Variants in SLX9 observed in about 807,000 individuals in gnomAD.
SLX9 encodes the protein ribosome biogenesis protein SLX9 homolog.
In SLX9, 19 loss-of-function variants were observed where a neutral mutation model predicts 20.8. That is an observed-to-expected ratio of 0.91 (90% confidence interval 0.64 to 1.34). The LOEUF is 1.34. Among genes scored for constraint, SLX9 ranks in the 40% most tolerant of loss-of-function variants. SLX9 has a pLI of 0.00. For missense variants in SLX9, 299 were observed against 322.2 expected, an observed-to-expected ratio of 0.93 and a Z score of 0.55; for synonymous variants, 113 against 137.1, an observed-to-expected ratio of 0.82 and a Z score of 1.23.
At chr21:44,943,897 A>G in intron 2 of SLX9, 60 bp downstream of exon 2, 1 of 1,605,694 alleles carries the variant, frequency 6.2e-7, no homozygotes, top group Non-Finnish European at 8.5e-7. Context: ...TTGTTCCCTC[A>G]GGCACCCGAG....
intron 2 of SLX9, among the ~76,000 whole-genome samples, chr21:44,957,761 G>A (rs1294424942): frequency 6.6e-6 from 1 of 152,240 alleles, no homozygotes; most frequent in East Asian, 1.9e-4. Flanking sequence ...GGGAATGAGG[G>A]TATGAGCACC....
intron 2 of SLX9, among the ~76,000 whole-genome samples, chr21:44,944,344 G>T (rs1471037608): frequency 6.6e-6 from 1 of 152,194 alleles, no homozygotes; most frequent in East Asian, 1.9e-4. Flanking sequence ...GCTCCTTGCA[G>T]CCCTGCAGCA....
chr21:44,943,904 C>G (rs532826045), intron 2 of SLX9, 67 bp downstream of exon 2: 1 of 1,599,486 alleles, frequency 6.3e-7, no homozygotes, highest in Non-Finnish European at 8.5e-7. Flanking sequence ...CTCAGGCACC[C>G]GAGGTCTCAG....
chr21:44,949,606 C>T lies in SLX9; in HGVS notation c.283+5769C>T, dbSNP rs561521809. 7.9e-5 allele frequency among the ~76,000 whole-genome samples: 12 copies of T among 152,306 alleles called. No individual in the cohort carries two copies. The East Asian group carries it at 9.7e-4, about 12-fold the overall frequency. On this transcript the variant is annotated intron_variant, in intron 2 of 5. Coordinates refer to ENST00000291634, the MANE Select transcript of SLX9 (RefSeq NM_058190.4). ...ACGCCGGGCACAGGGCACCCACCGC[C>T]GCCATTGCTGCTCCGGCAGCCACTC...
At chr21:44,964,062 T>G (rs186862666) in intron 3 of SLX9, among the ~76,000 whole-genome samples, 11 of 152,336 alleles carry the variant, frequency 7.2e-5, no homozygotes, top group Admixed American at 5.2e-4. Flanking sequence ...ATCTCACCAT[T>G]TAAATTTCAT....
chr21:44,961,679 A>T (rs1300263408), intron 3 of SLX9, among the ~76,000 whole-genome samples: 1 of 152,156 alleles, frequency 6.6e-6, no homozygotes, highest in Non-Finnish European at 1.5e-5. Context: ...ATCGTTCTTT[A>T]TTTGTATCTC....
chr21:44,971,710 G>A (rs1038293260), intron 4 of SLX9, among the ~76,000 whole-genome samples: 1 of 151,984 alleles, frequency 6.6e-6, no homozygotes, highest in Admixed American at 6.5e-5. Context: ...GGGGCCCCAC[G>A]CTGATGGCTT....
chr21:44,960,354 G>T (rs2084931831), intron 3 of SLX9, among the ~76,000 whole-genome samples, 186 bp downstream of exon 3: 1 of 152,194 alleles, frequency 6.6e-6, no homozygotes, highest in Admixed American at 6.5e-5. Flanking sequence ...GCACAGAGAG[G>T]TTGGCCATGA....
At chr21:44,967,006 G>C (rs1238576876) in intron 3 of SLX9, 28 bp from the exon 4 acceptor site, 2 of 1,591,262 alleles carry the variant, frequency 1.3e-6, no homozygotes, top group Non-Finnish European at 1.7e-6. Context: ...CCTCTTGTTT[G>C]CCTCTAACGT....
At chr21:44,952,835 T>A (rs1391901765) in intron 2 of SLX9, among the ~76,000 whole-genome samples, 1 of 152,204 alleles carries the variant, frequency 6.6e-6, no homozygotes, top group Non-Finnish European at 1.5e-5. Flanking sequence ...GTTCTTGACA[T>A]GTTCGGTTGG....
At chr21:44,943,061 G>T (rs751226632) in intron 1 of SLX9, among the ~76,000 whole-genome samples, 1 of 152,174 alleles carries the variant, frequency 6.6e-6, no homozygotes, top group Non-Finnish European at 1.5e-5. Context: ...TGTTGAGGTC[G>T]ATGCTGCCTT....
intron 1 of SLX9, 129 bp from the exon 2 acceptor site, chr21:44,943,555 C>T (rs1601368720): frequency 2.3e-6 from 3 of 1,305,686 alleles, no homozygotes; most frequent in Non-Finnish European, 3.2e-6. Flanking sequence ...CCCCCAGGTC[C>T]TCCCGGGCAG....
intron 5 of SLX9, among the ~76,000 whole-genome samples, chr21:44,975,876 G>T (rs149053319): frequency 6.6e-6 from 1 of 152,368 alleles, no homozygotes; most frequent in East Asian, 1.9e-4. Context: ...CGCCCAGGCG[G>T]TCGTCCAGCG....
intron 3 of SLX9, among the ~76,000 whole-genome samples, chr21:44,963,735 G>T (rs1164394260): frequency 2.0e-5 from 3 of 151,314 alleles, no homozygotes; most frequent in Non-Finnish European, 3.0e-5. Context: ...GTGTGGATCT[G>T]TTTCTAGGCT....
intron 2 of SLX9, among the ~76,000 whole-genome samples, chr21:44,958,873 G>T (rs970932287): frequency 6.6e-6 from 1 of 152,242 alleles, no homozygotes; most frequent in Non-Finnish European, 1.5e-5. Flanking sequence ...CTGTGTTCCT[G>T]ACCTGGCCTG....
intron 4 of SLX9, 64 bp downstream of exon 4, chr21:44,967,245 G>GGA: frequency 2.0e-6 from 3 of 1,512,096 alleles, no homozygotes; most frequent in Non-Finnish European, 2.6e-6. Context: ...AGAGGTGGAG[G>GGA]GATATGAGTG....
In SLX9 at chr21:44,965,026, C is replaced by T. The variant is rs766483255; in HGVS notation, c.353-2008C>T. ...AGCACTTTTGCCACGCTGTTAATTT[C>T]TGTTATTTTATAATTTGCTTTAATA... On this transcript the variant is annotated intron_variant, in intron 3 of 5. Coordinates refer to ENST00000291634, the MANE Select transcript of SLX9 (RefSeq NM_058190.4). Among the ~76,000 whole-genome samples, 3 of 152,218 alleles carry T rather than the reference C, an allele frequency of 2.0e-5. No individual in the cohort carries two copies. The East Asian group carries it at 5.8e-4, about 29-fold the overall frequency.
At chr21:44,948,768 G>A (rs1395645360) in intron 2 of SLX9, among the ~76,000 whole-genome samples, 1 of 152,246 alleles carries the variant, frequency 6.6e-6, no homozygotes, top group Admixed American at 6.5e-5. Context: ...ACCTTTGCTT[G>A]AGTTTTGTCC....
intron 3 of SLX9, 114 bp from the exon 4 acceptor site, chr21:44,966,920 G>A: frequency 7.3e-7 from 1 of 1,366,976 alleles, no homozygotes; most frequent in Non-Finnish European, 1.0e-6. Flanking sequence ...ACAGCGGGAA[G>A]GAGAGAGGCA....
Sources: gnomAD v4.1 joint callset for allele counts (sites outside exome capture counted in the v4.1 genomes callset) on GRCh38, gnomAD v4.1.1 for gene constraint, MANE v1.5 for transcripts, NCBI Gene and HGNC (gene_info 2026-07-23, HGNC 2026-07-21) for gene names.